PMFBP1: variants seen among roughly 807,000 people sequenced by gnomAD.
PMFBP1 encodes the protein polyamine-modulated factor 1-binding protein 1.
In PMFBP1, 131 loss-of-function variants were observed where a neutral mutation model predicts 137.8. The ratio of observed to expected loss-of-function variants is 0.95; its 90% CI spans 0.82 to 1.10. The LOEUF (loss-of-function observed/expected upper bound fraction) is 1.10. PMFBP1 is among the 50% of genes least tolerant of loss of function. The probability of loss-of-function intolerance (pLI) is 0.00; values close to 1 mark genes in which losing one functional copy is unlikely to be tolerated. For missense variants in PMFBP1, 1,199 were observed against 1,175.4 expected (o/e 1.02, Z -0.29); for synonymous variants, 490 against 450.4 (o/e 1.09, Z -1.11).
the PMFBP1 span, among the ~76,000 whole-genome samples, chr16:72,205,355 T>C: frequency 6.6e-6 from 1 of 152,228 alleles, no homozygotes; most frequent in East Asian, 1.9e-4. Flanking sequence ...CTACCGATTT[T>C]CCCTGAATGG....
the PMFBP1 span, among the ~76,000 whole-genome samples, chr16:72,238,905 G>T: frequency 1.3e-5 from 2 of 152,052 alleles, no homozygotes; most frequent in African/African-American, 4.8e-5. Flanking sequence ...GCCAGGGATG[G>T]TGCTAAACAT....
At chr16:72,218,570 C>T in the PMFBP1 span, among the ~76,000 whole-genome samples, 9 of 152,092 alleles carry the variant, frequency 5.9e-5, no homozygotes, top group East Asian at 1.9e-4. Flanking sequence ...TGTGAGCCAC[C>T]GCACCCGGCC....
At chr16:72,158,966 G>C (rs2043022686) in intron 3 of PMFBP1, among the ~76,000 whole-genome samples, 1 of 152,204 alleles carries the variant, frequency 6.6e-6, no homozygotes, top group Non-Finnish European at 1.5e-5. Context: ...CTGCACCCCA[G>C]CCTGGGCAAC....
Position 72,171,183 on chromosome 16 carries a change from G to A in PMFBP1, c.12+14C>T. 5 of 1,613,516 alleles carry A rather than the reference G, an allele frequency of 3.1e-6. No individual in the cohort carries two copies. In the South Asian group the frequency reaches 4.4e-5, roughly 14 times the overall value. On this transcript the variant is annotated intron_variant, in intron 2 of 20. Transcript: ENST00000237353. ...TATTCAACTCCATGCATGTAGAGGA[G>A]TTAGGAGCCTTACCTCATCTTTCAT...
chr16:72,227,394 C>T, the PMFBP1 span, among the ~76,000 whole-genome samples: 1 of 152,132 alleles, frequency 6.6e-6, no homozygotes, highest in African/African-American at 2.4e-5. Flanking sequence ...ATTAAAGGGA[C>T]ACATGCTTAT....
the PMFBP1 span, among the ~76,000 whole-genome samples, chr16:72,229,394 C>T: frequency 5.3e-5 from 8 of 152,132 alleles, no homozygotes; most frequent in Non-Finnish European, 8.8e-5. Flanking sequence ...CTGGGTTGAA[C>T]GGTAGTTCTG....
chr16:72,135,620 A>G (rs1469717275), intron 9 of PMFBP1, among the ~76,000 whole-genome samples: 1 of 149,208 alleles, frequency 6.7e-6, no homozygotes, highest in Non-Finnish European at 1.5e-5. Flanking sequence ...TCTTGGTTCC[A>G]TTTCTAGGCT....
At chr16:72,213,246 T>C in the PMFBP1 span, among the ~76,000 whole-genome samples, 6 of 152,172 alleles carry the variant, frequency 3.9e-5, no homozygotes, top group Non-Finnish European at 5.9e-5. Flanking sequence ...AAGAGACTTC[T>C]AGTGATCTCA....
At chr16:72,216,022 A>T in the PMFBP1 span, among the ~76,000 whole-genome samples, 3 of 152,192 alleles carry the variant, frequency 2.0e-5, no homozygotes. Flanking sequence ...TCTTGCATGT[A>T]AGTGGGATCA....
At chr16:72,240,988 G>A in the PMFBP1 span, among the ~76,000 whole-genome samples, 54 of 152,040 alleles carry the variant, frequency 3.6e-4, no homozygotes, top group African/African-American at 1.3e-3. Context: ...AGGTGGAGGG[G>A]GTTAAGGGGA....
intron 2 of PMFBP1, among the ~76,000 whole-genome samples, chr16:72,169,962 T>A (rs933761114): frequency 6.6e-6 from 1 of 152,098 alleles, no homozygotes; most frequent in Non-Finnish European, 1.5e-5. Context: ...AGGATACATA[T>A]GACATATGTT....
intron 10 of PMFBP1, among the ~76,000 whole-genome samples, chr16:72,132,434 T>C (rs935856101): frequency 2.6e-5 from 4 of 151,988 alleles, no homozygotes; most frequent in Admixed American, 2.6e-4. Context: ...CTGAAGAAGA[T>C]GGAGAGGATT....
chr16:72,225,709 T>TATTATAATAATA, the PMFBP1 span, among the ~76,000 whole-genome samples: 277 of 109,608 alleles, frequency 2.5e-3, no homozygotes, highest in Non-Finnish European at 3.9e-3. Flanking sequence ...TGAGACTGTT[T>TATTATAATAATA]ATAATAATAA....
chr16:72,176,816 C>T (rs2043260986), upstream of PMFBP1: 2 of 152,364 alleles, frequency 1.3e-5, no homozygotes, highest in Middle Eastern at 3.4e-3. Flanking sequence ...CTCTACAGTT[C>T]ACTCACCGTT....
chr16:72,123,650 C>A lies in PMFBP1; in HGVS notation c.2590-1G>T. On this transcript the variant is annotated splice_acceptor_variant, in intron 17 of 20. Coordinates refer to ENST00000237353, the MANE Select transcript of PMFBP1 (RefSeq NM_031293.3). LOFTEE classifies it high-confidence loss of function. Reference sequence around the variant, plus strand: ...CAGACCACTGGGGCAGGCAGCAGGGCTTGGGTACAAGAAGAAAACGAGACA... The same window carrying A: ...CAGACCACTGGGGCAGGCAGCAGGGATTGGGTACAAGAAGAAAACGAGACA... The A allele has an allele frequency of 6.2e-7, 1 of 1,613,018 alleles. No homozygotes were observed. The highest frequency in any genetic ancestry group is 8.5e-7 in the Non-Finnish European group (1 of 1,179,264).
chr16:72,228,336 C>T, the PMFBP1 span, among the ~76,000 whole-genome samples: 6 of 152,138 alleles, frequency 3.9e-5, no homozygotes, highest in Admixed American at 6.5e-5. Context: ...TGAAAGACCC[C>T]GATGCAGTTT....
chr16:72,119,814 A>C (rs1163145817), intron 20 of PMFBP1, 37 bp downstream of exon 20: 2 of 1,602,684 alleles, frequency 1.2e-6, no homozygotes, highest in Non-Finnish European at 1.7e-6. Flanking sequence ...TTAAAGAAAA[A>C]AATCACACTT....
chr16:72,200,847 A>G, the PMFBP1 span, among the ~76,000 whole-genome samples: 1 of 152,214 alleles, frequency 6.6e-6, no homozygotes, highest in African/African-American at 2.4e-5. Context: ...AGAATCACAC[A>G]GAGTAAGGAC....
chr16:72,245,732 C>T, the PMFBP1 span, among the ~76,000 whole-genome samples: 1 of 152,144 alleles, frequency 6.6e-6, no homozygotes. Context: ...CTGTACGGTG[C>T]CCTTCCCAAG....
Sources: gnomAD v4.1 joint callset for allele counts (sites outside exome capture counted in the v4.1 genomes callset) on GRCh38, gnomAD v4.1.1 for gene constraint, MANE v1.5 for transcripts, NCBI Gene and HGNC (gene_info 2026-07-23, HGNC 2026-07-21) for gene names.